Variants in WDR27 observed in about 807,000 individuals in gnomAD.
WDR27 encodes WD repeat-containing protein 27.
In WDR27, 100 loss-of-function variants were observed where a neutral mutation model predicts 114.4. That is an observed-to-expected ratio of 0.87 (90% CI 0.74 to 1.03). The LOEUF is 1.03. WDR27 is among the 50% of genes least tolerant of loss of function. The pLI, the probability that WDR27 is intolerant of heterozygous loss-of-function variation, is 0.00. For missense variants in WDR27, 1,129 were observed against 1,092.9 expected (o/e 1.03, Z -0.47); for synonymous variants, 449 against 423.1 (o/e 1.06, Z -0.75).
chr6:169,614,035 A>G (rs1157107926), intron 21 of WDR27, among the ~76,000 whole-genome samples: 2 of 152,206 alleles, frequency 1.3e-5, no homozygotes, highest in African/African-American at 4.8e-5. Context: ...AAGGTGAGTT[A>G]TTAATCTGCC....
At chr6:169,635,314 G>A (rs1458863782) in intron 19 of WDR27, among the ~76,000 whole-genome samples, 1 of 152,226 alleles carries the variant, frequency 6.6e-6, no homozygotes. Context: ...GAACTCGGGA[G>A]GCGGAGGTTG....
chr6:169,683,193 G>A (rs1031930023), intron 2 of WDR27, among the ~76,000 whole-genome samples: 8 of 152,086 alleles, frequency 5.3e-5, no homozygotes, highest in Admixed American at 2.0e-4. Flanking sequence ...AAATATCTAC[G>A]TACTGGAAGG....
chr6:169,597,874 T>TCATACACACA (rs1562658591), intron 23 of WDR27, among the ~76,000 whole-genome samples: 6 of 82,356 alleles, frequency 7.3e-5, no homozygotes, highest in Non-Finnish European at 1.1e-4. Flanking sequence ...CTCTTACCAT[T>TCATACACACA]CATACACACA....
chr6:169,465,603 T>C (rs975321630), intron 25 of WDR27, among the ~76,000 whole-genome samples: 1 of 152,230 alleles, frequency 6.6e-6, no homozygotes, highest in Non-Finnish European at 1.5e-5. Context: ...CTTATGTTTA[T>C]AGCAGCATTC....
intron 25 of WDR27, among the ~76,000 whole-genome samples, chr6:169,549,031 C>A (rs925602856): frequency 7.2e-5 from 11 of 151,812 alleles, no homozygotes; most frequent in African/African-American, 2.7e-4. Flanking sequence ...AAAGCATGAT[C>A]TATGAAAGAA....
chr6:169,522,002 G>A (rs1445596433), intron 25 of WDR27, among the ~76,000 whole-genome samples: 1 of 151,990 alleles, frequency 6.6e-6, no homozygotes. Context: ...AACACTGAAT[G>A]TAAATGGACT....
chr6:169,533,738 C>T (rs903703279), intron 25 of WDR27, among the ~76,000 whole-genome samples: 14 of 152,194 alleles, frequency 9.2e-5, no homozygotes, highest in Non-Finnish European at 1.3e-4. Flanking sequence ...TGAGCATGTG[C>T]TTCACCCCAA....
At chr6:169,621,137 T>C (rs1357507660) in intron 21 of WDR27, among the ~76,000 whole-genome samples, 2 of 152,194 alleles carry the variant, frequency 1.3e-5, no homozygotes, top group Non-Finnish European at 2.9e-5. Flanking sequence ...TAATGAATAC[T>C]ATAATTAAAA....
chr6:169,620,193 G>A (rs1812771687), intron 21 of WDR27, among the ~76,000 whole-genome samples: 1 of 152,094 alleles, frequency 6.6e-6, no homozygotes, highest in South Asian at 2.1e-4. Context: ...TTGTCCAGAT[G>A]TCCATCAGGA....
rs147471495 is a variant in WDR27, at chr6:169,582,843, G to A, written c.2516C>T (p.Ala839Val). The stretch of plus-strand genomic sequence containing the variant: ...CACTCAGCAAGACTGTACCTGGGGC[G>A]CTGATGGGTTGAAGGCCACTCCAGT... ...TVTGVAFNPS[A>V]PQMESRSVAH... The change falls in exon 24 of 26, where the codon GCG becomes GTG. Residue 839 changes from alanine (A) to valine (V), a missense_variant. Physicochemically the swap from Ala to Val is moderately conservative, Grantham distance 64. Transcript: ENST00000448612. 2.2e-5 allele frequency: 36 copies of A among 1,613,616 alleles called. No homozygotes were observed. The highest frequency in any genetic ancestry group is 1.8e-4 in the East Asian group (8 of 44,864).
Position 169,460,980 on chromosome 6 carries a change from C to T in WDR27, c.2646-3346G>A, listed in dbSNP as rs1451839206. ...TCAAAAGAAAGCAGGGGTAGATACA[C>T]CAATAACAGAAAAAAAAAAGCTTTA... On this transcript the variant is annotated intron_variant, in intron 25 of 25. Transcript: ENST00000448612. Among the ~76,000 whole-genome samples the T allele has an allele frequency of 6.0e-5, 9 of 149,802 alleles. No individual in the cohort carries two copies. In the East Asian group the frequency reaches 1.6e-3, roughly 26 times the overall value.
At chr6:169,563,136 C>T (rs1019158046) in intron 25 of WDR27, among the ~76,000 whole-genome samples, 24 of 152,142 alleles carry the variant, frequency 1.6e-4, no homozygotes, top group African/African-American at 4.3e-4. Context: ...CAGAGAAACC[C>T]GCACATGGAG....
At chr6:169,475,457 A>G (rs1787017162) in intron 25 of WDR27, among the ~76,000 whole-genome samples, 1 of 152,192 alleles carries the variant, frequency 6.6e-6, no homozygotes, top group African/African-American at 2.4e-5. Flanking sequence ...TCCTGACCTC[A>G]GGTGATCCAC....
intron 25 of WDR27, among the ~76,000 whole-genome samples, chr6:169,518,144 G>C (rs1793913307): frequency 6.6e-6 from 1 of 152,220 alleles, no homozygotes; most frequent in Non-Finnish European, 1.5e-5. Flanking sequence ...GGTTAGAACT[G>C]AGTACCTGCA....
intron 23 of WDR27, among the ~76,000 whole-genome samples, chr6:169,590,523 G>A (rs537158426): frequency 6.6e-6 from 1 of 152,384 alleles, no homozygotes; most frequent in Non-Finnish European, 1.5e-5. Flanking sequence ...TACAGCAAGA[G>A]GCAGAGGCTC....
rs116451827 is a variant in WDR27 at position 169,652,280 on chromosome 6, G to A, written c.1403-272C>T. 3.0e-3 allele frequency among the ~76,000 whole-genome samples: 460 copies of A among 152,306 alleles called. 6 individuals carry two copies. The highest frequency in any genetic ancestry group is 0.01 in the African/African-American group (435 of 41,564). On this transcript the variant is annotated intron_variant, in intron 13 of 25. Coordinates refer to ENST00000448612, the MANE Select transcript of WDR27 (RefSeq NM_182552.5). ...GTTGTTGTTGTTGAGACGGAGTCTCGCTCTATCGCTAAGGCTGGACTGCAG... is the reference window on the plus strand; with the variant it reads ...GTTGTTGTTGTTGAGACGGAGTCTCACTCTATCGCTAAGGCTGGACTGCAG...
downstream of WDR27, among the ~76,000 whole-genome samples, chr6:169,456,513 T>C (rs560490747): frequency 6.6e-6 from 1 of 152,312 alleles, no homozygotes; most frequent in South Asian, 2.1e-4. The surrounding 1 kb of genome is among the most constrained non-coding windows in gnomAD (Gnocchi z 4.0). Flanking sequence ...ATCTGGAATC[T>C]TGAATTGCCT....
chr6:169,502,988 T>A (rs79721653), intron 25 of WDR27, among the ~76,000 whole-genome samples: 3,129 of 152,230 alleles, frequency 0.021, 69 homozygotes, highest in East Asian at 0.081. Flanking sequence ...CCATGAAATG[T>A]CTACCTAGTC....
At chr6:169,439,341 TAATC>T in the WDR27 span, among the ~76,000 whole-genome samples, 3 of 152,304 alleles carry the variant, frequency 2.0e-5, no homozygotes, top group Admixed American at 1.3e-4. Flanking sequence ...CTAAATTTCT[TAATC>T]AATTGCTGAA....
Sources: gnomAD v4.1 joint callset for allele counts (sites outside exome capture counted in the v4.1 genomes callset) on GRCh38, gnomAD v4.1.1 for gene constraint, Gnocchi (gnomAD v3.1) non-coding constraint, MANE v1.5 for transcripts, NCBI Gene and HGNC (gene_info 2026-07-23, HGNC 2026-07-21) for gene names.